The following CCDC197 variants were observed in gnomAD, a reference collection of about 807,000 sequenced individuals.
CCDC197 encodes the protein uncharacterized protein CCDC197.
In CCDC197, 24 loss-of-function variants were observed where a neutral mutation model predicts 13.4. The ratio of observed to expected loss-of-function variants is 1.80; its 90% CI spans 1.30 to 2.53. The LOEUF (loss-of-function observed/expected upper bound fraction) is 2.53. Among genes scored for constraint, CCDC197 ranks in the 30% most tolerant of loss-of-function variants. The probability of loss-of-function intolerance (pLI) is 0.00; values close to 1 mark genes in which losing one functional copy is unlikely to be tolerated. For missense variants in CCDC197, 255 were observed against 148.8 expected (o/e 1.71, Z -3.71); for synonymous variants, 99 against 55.5 (o/e 1.78, Z -3.48).
chr14:94,009,791 G>A (rs1213739330), downstream of CCDC197, among the ~76,000 whole-genome samples: 1 of 152,144 alleles, frequency 6.6e-6, no homozygotes, highest in Non-Finnish European at 1.5e-5. Context: ...TGACATTCTA[G>A]GTCAAGTTTG....
chr14:94,007,073 C>G (rs1303103706), intron 6 of CCDC197: 2 of 152,242 alleles, frequency 1.3e-5, no homozygotes, highest in Non-Finnish European at 2.9e-5. Context: ...GATCCACCTG[C>G]CTCGGCCTCC....
intron 1 of CCDC197, chr14:93,987,415 A>G (rs1890116448): frequency 6.6e-6 from 1 of 152,304 alleles, no homozygotes; most frequent in African/African-American, 2.4e-5. Flanking sequence ...ATTTTGCCAG[A>G]TCTTCTTGGT....
intron 6 of CCDC197, chr14:94,007,555 G>A (rs1890719159): frequency 6.6e-6 from 1 of 152,152 alleles, no homozygotes; most frequent in African/African-American, 2.4e-5. Context: ...ATTGAGAAGT[G>A]TGAGTCTTCC....
Position 94,003,010 on chromosome 14 carries a change from C to G in CCDC197, c.367-213C>G. Among the ~76,000 whole-genome samples, 1 of 152,078 alleles carries G rather than the reference C, an allele frequency of 6.6e-6. No individual in the cohort carries two copies. On this transcript the variant is annotated intron_variant, in intron 4 of 6. Transcript: ENST00000636493. This position sits in a 1 kb window ranked among gnomAD's most constrained non-coding sequence, Gnocchi z 5.0. ...AAGAGAACTTGTGTAGGGGAACTCCCCTTTATAAAATTATCAGGAACTGGG... is the reference window on the plus strand; with the variant it reads ...AAGAGAACTTGTGTAGGGGAACTCCGCTTTATAAAATTATCAGGAACTGGG...
intron 6 of CCDC197, chr14:94,007,517 T>C (rs1237952121): frequency 6.6e-6 from 1 of 152,240 alleles, no homozygotes; most frequent in Non-Finnish European, 1.5e-5. Context: ...ACTGTCTTTA[T>C]TACTGTGGCT....
chr14:93,994,093 G>A (rs1030879103), upstream of CCDC197, among the ~76,000 whole-genome samples: 1 of 152,176 alleles, frequency 6.6e-6, no homozygotes, highest in Admixed American at 6.5e-5. Context: ...TCTGAGGCAG[G>A]CCTGTGGGTT....
Position 94,008,634 on chromosome 14 carries a change from C to T in CCDC197, c.641C>T (p.Thr214Ile). 1.4e-6 allele frequency: 1 copy of T among 703,022 alleles called. No individual in the cohort carries two copies. The highest frequency in any genetic ancestry group is 2.6e-6 in the Non-Finnish European group (1 of 385,008). 43.5% of individuals were successfully genotyped at this position (703,022 alleles called of 1,614,324 possible). ...IKEFMLDKME[T>I]VRLIALLTEP... ...GAGTTCATGTTGGACAAAATGGAGA[C>T]TGTAAGACTGATCGCACTGCTCACG... The change falls in exon 7 of 7, where the codon ACT becomes ATT. Residue 214 changes from threonine (T) to isoleucine (I), a missense_variant. Physicochemically the swap from Thr to Ile is moderately conservative, Grantham distance 89. Transcript: ENST00000636493.
At chr14:93,999,236 T>C in intron 2 of CCDC197, 1 of 218,580 alleles carries the variant, frequency 4.6e-6, no homozygotes, top group Non-Finnish European at 9.0e-6. Context: ...CACCAGCTAA[T>C]AGGGGCCGGC....
chr14:93,998,320 C>T (rs887496744), intron 2 of CCDC197, 85 bp downstream of exon 2: 15 of 715,216 alleles, frequency 2.1e-5, no homozygotes, highest in Non-Finnish European at 3.4e-5. Context: ...AACATGTCCC[C>T]GAGGAGGCCA....
At chr14:93,991,173 T>C (rs1595347289) in intron 1 of CCDC197, among the ~76,000 whole-genome samples, 2 of 152,274 alleles carry the variant, frequency 1.3e-5, no homozygotes. Flanking sequence ...AGAAACTTAT[T>C]TGGATTCAAT....
chr14:94,008,734 A>G lies in CCDC197; in HGVS notation c.741A>G (p.Lys247=). ...WLRRHPKPFR[K]CPRRRVSTPR... is the part of the protein sequence containing the mutation. ...GAAGACACCCCAAACCCTTCAGGAA[A>G]TGTCCAAGGAGGCGGGTTTCCACCC... The change falls in exon 7 of 7, where the codon AAA becomes AAG. Residue 247 remains lysine, a synonymous_variant. Coordinates refer to ENST00000636493, the MANE Select transcript of CCDC197 (RefSeq NM_001351596.2). 1 of 702,842 alleles carries G rather than the reference A, an allele frequency of 1.4e-6. No individual in the cohort carries two copies. The highest frequency in any genetic ancestry group is 2.7e-5 in the East Asian group (1 of 37,290). The allele number at this position is 702,842 out of a possible 1,614,324, so 43.5% of individuals were successfully genotyped here. A position where few individuals can be genotyped will look rare whatever the true frequency, so the allele number is the denominator to read the frequency against.
chr14:94,004,296 C>T lies in CCDC197; in HGVS notation c.499-559C>T, dbSNP rs555059442. ...GGACCATGGCTTGGGCACAGGGCTGCGCTGGGCACACCTTCCCTGCACAGG... is the reference window on the plus strand; with the variant it reads ...GGACCATGGCTTGGGCACAGGGCTGTGCTGGGCACACCTTCCCTGCACAGG... On this transcript the variant is annotated intron_variant, in intron 5 of 6. Coordinates refer to ENST00000636493, the MANE Select transcript of CCDC197 (RefSeq NM_001351596.2). 5.9e-5 allele frequency among the ~76,000 whole-genome samples: 9 copies of T among 152,286 alleles called. No individual in the cohort carries two copies. In the South Asian group the frequency reaches 1.2e-3, roughly 21 times the overall value.
intron 6 of CCDC197, among the ~76,000 whole-genome samples, chr14:94,007,802 G>A (rs1322330413): frequency 1.3e-5 from 2 of 152,172 alleles, no homozygotes; most frequent in Admixed American, 6.5e-5. Context: ...CCAAACACGG[G>A]ATACTTAGCT....
At chr14:93,993,838 C>T (rs1890243334), upstream of CCDC197, among the ~76,000 whole-genome samples, 1 of 152,208 alleles carries the variant, frequency 6.6e-6, no homozygotes, top group Admixed American at 6.5e-5. Flanking sequence ...CCTTGGATTT[C>T]TCTTGTCCAA....
upstream of CCDC197, among the ~76,000 whole-genome samples, chr14:93,992,670 C>G (rs563257603): frequency 1.3e-5 from 2 of 152,354 alleles, no homozygotes; most frequent in East Asian, 3.9e-4. Flanking sequence ...CAGAACTCCA[C>G]TGTGGCCCCT....
chr14:93,993,829 C>T (rs1198636200), upstream of CCDC197, among the ~76,000 whole-genome samples: 1 of 152,214 alleles, frequency 6.6e-6, no homozygotes, highest in Non-Finnish European at 1.5e-5. Context: ...ACAGACTTGC[C>T]TTGGATTTCT....
At chr14:94,006,422 C>A (rs1298829402) in intron 6 of CCDC197, among the ~76,000 whole-genome samples, 2 of 151,502 alleles carry the variant, frequency 1.3e-5, no homozygotes, top group African/African-American at 4.9e-5. Flanking sequence ...GCACTTCTCG[C>A]TCGGCTCACT....
At chr14:94,005,075 C>G (rs1383597232) in intron 6 of CCDC197, 104 bp downstream of exon 6, 1 of 622,172 alleles carries the variant, frequency 1.6e-6, no homozygotes. Flanking sequence ...GTTTAGCCCC[C>G]CATCAGCTCT....
At chr14:93,991,765 T>C (rs1470916210) in intron 1 of CCDC197, among the ~76,000 whole-genome samples, 1 of 152,158 alleles carries the variant, frequency 6.6e-6, no homozygotes, top group Admixed American at 6.5e-5. Flanking sequence ...AGCTGGGATC[T>C]GGAAGACCAG....
Sources: allele counts gnomAD v4.1 joint callset (sites outside exome capture counted in the v4.1 genomes callset), GRCh38; gene constraint gnomAD v4.1.1; non-coding constraint Gnocchi (gnomAD v3.1); transcripts MANE v1.5; gene names NCBI Gene and HGNC (gene_info 2026-07-23, HGNC 2026-07-21).